USP28: variants seen among roughly 807,000 people sequenced by gnomAD.
USP28 encodes the protein ubiquitin specific peptidase 28, also known as ubiquitin carboxyl-terminal hydrolase 28.
A neutral mutation model predicts 145.0 loss-of-function variants in USP28; 113 were observed. The observed-to-expected ratio is 0.78, with a 90% CI of 0.67 to 0.91. USP28 has a LOEUF of 0.91. Ranked by LOEUF, USP28 falls within the 40% of genes least tolerant of loss-of-function variation. USP28 has a pLI of 0.00. For missense variants in USP28, 1,201 were observed against 1,289.6 expected (o/e 0.93, Z 1.05); for synonymous variants, 447 against 450.9 (o/e 0.99, Z 0.11).
chr11:113,872,418 C>T (rs922953014), intron 1 of USP28, among the ~76,000 whole-genome samples: 1 of 150,670 alleles, frequency 6.6e-6, no homozygotes, highest in Non-Finnish European at 1.5e-5. Flanking sequence ...ACCCGGGGGG[C>T]GGAGCTTGCA....
intron 24 of USP28, among the ~76,000 whole-genome samples, chr11:113,800,020 T>A (rs1591449756): frequency 6.6e-6 from 1 of 152,180 alleles, no homozygotes; most frequent in South Asian, 2.1e-4. Flanking sequence ...CTTTTTTTTT[T>A]TTTGAGACGG....
exon 5 of USP28, chr11:113,840,628 G>C (rs765490112): frequency 6.2e-7 from 1 of 1,614,092 alleles, no homozygotes; most frequent in East Asian, 2.2e-5. Context: ...AACATGTATT[G>C]CCAACATTTT....
intron 15 of USP28, 50 bp downstream of exon 15, chr11:113,813,835 T>C (rs368512787): frequency 6.9e-7 from 1 of 1,440,134 alleles, no homozygotes; most frequent in African/African-American, 1.4e-5. Flanking sequence ...GATTTTTGTA[T>C]CTACCATTAG....
chr11:113,841,747 T>C, exon 4 of USP28: 6 of 1,613,270 alleles, frequency 3.7e-6, no homozygotes, highest in Non-Finnish European at 5.1e-6. Flanking sequence ...ATCTTTGTTA[T>C]CATGAGTAAG....
chr11:113,812,513 C>A lies in USP28; in HGVS notation c.1744-9G>T. ...TGCAAGCGATAAGGCACCTGTAAGT[C>A]AGAATGTACATTCCCCAGTCAGGTG... On this transcript the variant is annotated splice_polypyrimidine_tract_variant and intron_variant, in intron 15 of 24. Transcript: ENST00000003302. 1 of 1,610,376 alleles carries A rather than the reference C, an allele frequency of 6.2e-7. No homozygotes were observed. The highest frequency in any genetic ancestry group is 1.1e-5 in the South Asian group (1 of 90,914).
At chr11:113,875,048 C>G (rs957028020) in intron 1 of USP28, among the ~76,000 whole-genome samples, 1 of 152,148 alleles carries the variant, frequency 6.6e-6, no homozygotes, top group Non-Finnish European at 1.5e-5. Context: ...TTTAAAAACG[C>G]CGCCATAAAA....
intron 11 of USP28, among the ~76,000 whole-genome samples, chr11:113,824,792 G>A (rs990919329): frequency 3.3e-4 from 50 of 151,794 alleles, no homozygotes; most frequent in African/African-American, 9.9e-4. Context: ...TTAGCTGGGC[G>A]TTGTGGCACA....
intron 12 of USP28, among the ~76,000 whole-genome samples, chr11:113,819,454 G>A (rs962288539): frequency 6.6e-6 from 1 of 151,802 alleles, no homozygotes; most frequent in Non-Finnish European, 1.5e-5. Flanking sequence ...GCATGTACCT[G>A]GTACGAAAAT....
intron 1 of USP28, among the ~76,000 whole-genome samples, chr11:113,872,501 A>G (rs1948926313): frequency 6.6e-6 from 1 of 151,800 alleles, no homozygotes; most frequent in Non-Finnish European, 1.5e-5. Flanking sequence ...AAAAAAAAAA[A>G]TACTGTTTGC....
At chr11:113,798,943 G>T in exon 25 of USP28, 1 of 196,092 alleles carries the variant, frequency 5.1e-6, no homozygotes. Context: ...AAAGTGGCAA[G>T]AGGCTTAGAA....
At chr11:113,841,144 C>G (rs1324446128) in intron 4 of USP28, among the ~76,000 whole-genome samples, 1 of 152,188 alleles carries the variant, frequency 6.6e-6, no homozygotes, top group African/African-American at 2.4e-5. Context: ...ACATAAAACA[C>G]AGCCCTGTGT....
intron 12 of USP28, among the ~76,000 whole-genome samples, chr11:113,819,797 G>C (rs1942331104): frequency 6.6e-6 from 1 of 152,048 alleles, no homozygotes; most frequent in African/African-American, 2.4e-5. Context: ...TTGGCTCACT[G>C]CAACCTCCAC....
chr11:113,869,888 G>A (rs1481543821), intron 1 of USP28, among the ~76,000 whole-genome samples: 5 of 152,006 alleles, frequency 3.3e-5, no homozygotes, highest in African/African-American at 1.2e-4. Flanking sequence ...TAGATTTGGA[G>A]CCAGGTGTTC....
In USP28 at chr11:113,870,881, A is replaced by G. The variant is rs999676187; in HGVS notation, c.57+4564T>C. On this transcript the variant is annotated intron_variant, in intron 1 of 24. Coordinates refer to ENST00000003302, the Ensembl canonical transcript of USP28. Reference sequence around the variant, plus strand: ...GGTGGGGTTAGAAACTTTGTTCCAAAAGCAAACAAGAGGAGGAAGGTGGAG... The same window carrying G: ...GGTGGGGTTAGAAACTTTGTTCCAAGAGCAAACAAGAGGAGGAAGGTGGAG... Among the ~76,000 whole-genome samples the G allele has an allele frequency of 3.9e-5, 6 of 152,240 alleles. No individual in the cohort carries two copies. In the South Asian group the frequency reaches 1.2e-3, roughly 32 times the overall value.
At chr11:113,827,423 G>T in intron 10 of USP28, 63 bp from the exon 11 acceptor site, 1 of 1,478,730 alleles carries the variant, frequency 6.8e-7, no homozygotes, top group Non-Finnish European at 9.0e-7. Context: ...ACAATAACCA[G>T]ATTTAAAATA....
Position 113,833,577 on chromosome 11 carries a change from T to C in USP28, c.622-20A>G, listed in dbSNP as rs759475578. On this transcript the variant is annotated intron_variant, in intron 6 of 24. Coordinates refer to ENST00000003302, the Ensembl canonical transcript of USP28. ...CTTTTCCTGTAGAAAACACAGTACATGTACTCTTACAATATCTCATTTAGA... is the reference window on the plus strand; with the variant it reads ...CTTTTCCTGTAGAAAACACAGTACACGTACTCTTACAATATCTCATTTAGA... 4 of 1,598,396 alleles carry C rather than the reference T, an allele frequency of 2.5e-6. No individual in the cohort carries two copies. The highest frequency in any genetic ancestry group is 1.8e-5 in the Admixed American group (1 of 55,830).
chr11:113,812,380 T>C lies in USP28; in HGVS notation c.1868A>G (p.Glu623Gly), dbSNP rs1284375602. 16 of 1,613,942 alleles carry C rather than the reference T, an allele frequency of 9.9e-6. No individual in the cohort carries two copies. The East Asian group carries it at 3.3e-4, about 34-fold the overall frequency. ...TCTTTCAACTTCTTCCCAGGAAGAT[T>C]CAGTAACAGAGATGTCATTGTACTT... Residue 623 changes from glutamate (E) to glycine (G), a missense_variant, in exon 16 of 25, where the codon GAA becomes GGA. Physicochemically the swap from Glu to Gly is moderately conservative, Grantham distance 98. Coordinates refer to ENST00000003302, the Ensembl canonical transcript of USP28.
rs910059598 is a variant in USP28 at position 113,844,163 on chromosome 11, G to A, written c.269-2395C>T. Among the ~76,000 whole-genome samples, 19 of 152,146 alleles carry A rather than the reference G, an allele frequency of 1.2e-4. 1 individual carries two copies. Among genetic ancestry groups the A allele is most frequent in the Admixed American group, 3.9e-4 (6 of 15,288 alleles). On this transcript the variant is annotated intron_variant, in intron 3 of 24. Coordinates refer to ENST00000003302, the Ensembl canonical transcript of USP28. Reference sequence around the variant, plus strand: ...ACCATCAAGAAGTGAAGAGACAGCCGGGCATGGTGGCTCACATCTATAATC... The same window carrying A: ...ACCATCAAGAAGTGAAGAGACAGCCAGGCATGGTGGCTCACATCTATAATC...
At chr11:113,825,168 A>G (rs1419019149) in intron 11 of USP28, among the ~76,000 whole-genome samples, 1 of 152,212 alleles carries the variant, frequency 6.6e-6, no homozygotes, top group Non-Finnish European at 1.5e-5. Flanking sequence ...ACAATATGGC[A>G]CTGACATAAG....
Sources: allele counts gnomAD v4.1 joint callset (sites outside exome capture counted in the v4.1 genomes callset), GRCh38; gene constraint gnomAD v4.1.1; transcripts MANE v1.5; gene names NCBI Gene and HGNC (gene_info 2026-07-23, HGNC 2026-07-21).